Variants in PHC2 observed in about 807,000 individuals in gnomAD.
PHC2 encodes polyhomeotic-like protein 2.
Under a neutral mutation model 87.4 loss-of-function variants are expected in PHC2, and 29 were observed. The observed-to-expected ratio is 0.33, with a 90% confidence interval of 0.25 to 0.45. The LOEUF (loss-of-function observed/expected upper bound fraction) is 0.45, where lower values mean the gene tolerates loss of function less well. Ranked by LOEUF, PHC2 falls within the 20% of genes least tolerant of loss-of-function variation. The pLI is 1.00. For missense variants in PHC2, 857 were observed against 1,136.7 expected, an observed-to-expected ratio of 0.75 and a Z score of 3.54; for synonymous variants, 438 against 461.7, an observed-to-expected ratio of 0.95 and a Z score of 0.66.
At position 33,354,894 on chromosome 1, in the gene PHC2, G is replaced by A. The variant is rs754823498; in HGVS notation, c.1336C>T (p.Arg446Cys). 20 of 1,614,082 alleles carry A rather than the reference G, an allele frequency of 1.2e-5. No individual in the cohort carries two copies. Among genetic ancestry groups the A allele is most frequent in the South Asian group, 6.6e-5 (6 of 91,088 alleles). Reference protein sequence around the residue: ...HPEGVPHTPQRRFQHTSAVIL... With the variant: ...HPEGVPHTPQCRFQHTSAVIL... ...ACAGCTGAAGTGTGCTGGAACCTGC[G>A]TTGAGGGGTGTGGGGCACGCCCTCG... The change falls in exon 8 of 15, where the codon CGC (arginine) becomes TGC (cysteine). Residue 446 changes from arginine to cysteine, a missense_variant. Arg to Cys is a radical substitution (Grantham distance 180). Transcript: ENST00000683057.
chr1:33,389,819 A>G (rs1648960265), intron 1 of PHC2, among the ~76,000 whole-genome samples: 1 of 152,104 alleles, frequency 6.6e-6, no homozygotes, highest in African/African-American at 2.4e-5. Context: ...GTTAGCATAC[A>G]TCTTGGCTTT....
intron 9 of PHC2, among the ~76,000 whole-genome samples, chr1:33,344,899 T>A (rs1646818425): frequency 6.6e-6 from 1 of 152,132 alleles, no homozygotes; most frequent in South Asian, 2.1e-4. Context: ...GGTCCCAATT[T>A]TTTTTTTTAA....
chr1:33,425,967 C>G (rs1427751897), intron 1 of PHC2, among the ~76,000 whole-genome samples: 2 of 152,130 alleles, frequency 1.3e-5, no homozygotes, highest in African/African-American at 2.4e-5. Context: ...TGATTTCCCC[C>G]ACAAAGGAAT....
Position 33,349,797 on chromosome 1 carries a change from G to C in PHC2, c.1558+4604C>G. 1 of 977,338 alleles carries C rather than the reference G, an allele frequency of 1.0e-6. No homozygotes were observed. The highest frequency in any genetic ancestry group is 1.2e-4 in the East Asian group (1 of 8,606). 60.5% of individuals were successfully genotyped at this position (977,338 alleles called of 1,614,324 possible). ...CAAAGGGCGGCCGGGGCGCGAGGCCGGGACGGGGGCGCGAGGCCGGGGCGG... is the reference window on the plus strand; with the variant it reads ...CAAAGGGCGGCCGGGGCGCGAGGCCCGGACGGGGGCGCGAGGCCGGGGCGG... On this transcript the variant is annotated intron_variant, in intron 9 of 14. Transcript: ENST00000683057. This position sits in a 1 kb window ranked among gnomAD's most constrained non-coding sequence, Gnocchi z 4.2.
At chr1:33,385,119 T>A (rs1015949077) in intron 1 of PHC2, among the ~76,000 whole-genome samples, 2 of 152,060 alleles carry the variant, frequency 1.3e-5, no homozygotes, top group Non-Finnish European at 2.9e-5. Flanking sequence ...AGATGAGTGG[T>A]GTTGAAGTGA....
At position 33,324,969 on chromosome 1, in the gene PHC2, C is replaced by T. The variant is rs1646337521; in HGVS notation, c.2476G>A (p.Ala826Thr). The T allele has an allele frequency of 6.2e-7, 1 of 1,613,694 alleles. No individual in the cohort carries two copies. Among genetic ancestry groups the T allele is most frequent in the Non-Finnish European group, 8.5e-7 (1 of 1,179,818 alleles). Reference protein sequence around the residue: ...EFRAQEIDGQALLLLKEDHLM... With the variant: ...EFRAQEIDGQTLLLLKEDHLM... ...TGGTCCTCCTTGAGCAGCAGCAGGG[C>T]TTGCCCGTCGATTTCCTGGGCACGG... Residue 826 changes from alanine (A) to threonine (T), a missense_variant, in exon 15 of 15, where the codon GCC becomes ACC. Transcript: ENST00000683057.
chr1:33,394,105 G>C (rs529256212), intron 1 of PHC2, among the ~76,000 whole-genome samples: 1 of 152,270 alleles, frequency 6.6e-6, no homozygotes, highest in African/African-American at 2.4e-5. Flanking sequence ...TTTGAGTCAG[G>C]CACTTTTATC....
At chr1:33,404,023 T>A (rs914314174) in intron 1 of PHC2, among the ~76,000 whole-genome samples, 7 of 152,172 alleles carry the variant, frequency 4.6e-5, no homozygotes, top group Admixed American at 3.9e-4. Context: ...TCAATTACCA[T>A]CCATACATCA....
At chr1:33,411,778 C>T (rs1649992586) in intron 1 of PHC2, among the ~76,000 whole-genome samples, 1 of 152,106 alleles carries the variant, frequency 6.6e-6, no homozygotes, top group Non-Finnish European at 1.5e-5. Context: ...CCAGGATGGT[C>T]TCCATCTCCT....
Position 33,324,814 on chromosome 1 carries a change from T to C in PHC2, c.*51A>G. 1 of 1,561,518 alleles carries C rather than the reference T, an allele frequency of 6.4e-7. No homozygotes were observed. The highest frequency in any genetic ancestry group is 1.2e-5 in the South Asian group (1 of 83,420). On this transcript the variant is annotated 3_prime_UTR_variant, in exon 15 of 15. Transcript: ENST00000683057. ...CCCCTCAGGAATGTCTGTCTGGCTC[T>C]GCTCAGTCGGGAGGAGGCGCCCTGG...
At chr1:33,376,646 G>A (rs928923925) in intron 1 of PHC2, among the ~76,000 whole-genome samples, 6 of 152,174 alleles carry the variant, frequency 3.9e-5, no homozygotes, top group African/African-American at 1.2e-4. Flanking sequence ...AATCTACAGA[G>A]AAGGCCGGGT....
In PHC2 at chr1:33,356,249, TTATATATATATATATATATATATATATG is replaced by T. The variant is rs199501598; in HGVS notation, c.977-1024_977-997del. The stretch of plus-strand genomic sequence containing the variant: ...GGCTGACTCTTTGAGGTGAAAATTC[TTATATATATATATATATATATATATATG>T]TATATATATATATATATTTATTTAT... On this transcript the variant is annotated intron_variant, in intron 7 of 14. Transcript: ENST00000683057. Among the ~76,000 whole-genome samples, 121 of 101,544 alleles carry T rather than the reference TTATATATATATATATATATATATATATG, an allele frequency of 1.2e-3. 2 individuals are homozygous for T. In the East Asian group the frequency reaches 0.027, roughly 22 times the overall value. The allele number at this position is 101,544 out of a possible 152,430, so 66.6% of individuals were successfully genotyped here.
chr1:33,327,440 G>T (rs1459264884), intron 14 of PHC2, among the ~76,000 whole-genome samples: 1 of 152,138 alleles, frequency 6.6e-6, no homozygotes, highest in African/African-American at 2.4e-5. Context: ...GCATGAGGAA[G>T]GAACACAAAT....
chr1:33,425,400 G>A (rs1360063646), intron 1 of PHC2, among the ~76,000 whole-genome samples: 1 of 152,174 alleles, frequency 6.6e-6, no homozygotes, highest in Non-Finnish European at 1.5e-5. Context: ...GCCGATAAAG[G>A]TATGAGTTAT....
At chr1:33,427,782 C>T (rs1412632492) in intron 1 of PHC2, among the ~76,000 whole-genome samples, 1 of 152,206 alleles carries the variant, frequency 6.6e-6, no homozygotes, top group Non-Finnish European at 1.5e-5. Context: ...TGGCATCTGT[C>T]AGGTACACAA....
chr1:33,354,852 G>A lies in PHC2; in HGVS notation c.1378C>T (p.Pro460Ser), dbSNP rs1647039667. Residue 460 changes from proline (P) to serine (S), a missense_variant, in exon 8 of 15, where the codon CCT (proline) becomes TCT (serine). Physicochemically the swap from Pro to Ser is moderately conservative, Grantham distance 74 (BLOSUM62 -1). This residue lies in a region of PHC2 where 832 missense variants were observed against 1,081.8 expected (regional missense o/e 0.77). Coordinates refer to ENST00000683057, the MANE Select transcript of PHC2 (RefSeq NM_001385109.1). ...HTSAVILQLQ[P>S]ASPVPQQCVP... Reference sequence around the variant, plus strand: ...GGCTTACTCACCACTGGTGAAGCAGGCTGCAGTTGTAAGATGACAGCTGAA... The same window carrying A: ...GGCTTACTCACCACTGGTGAAGCAGACTGCAGTTGTAAGATGACAGCTGAA... The A allele has an allele frequency of 6.2e-7, 1 of 1,613,600 alleles. No homozygotes were observed. Among genetic ancestry groups the A allele is most frequent in the African/African-American group, 1.3e-5 (1 of 74,944 alleles).
intron 9 of PHC2, among the ~76,000 whole-genome samples, chr1:33,343,419 G>A (rs755659064): frequency 1.5e-5 from 2 of 133,556 alleles, no homozygotes; most frequent in African/African-American, 5.4e-5. Context: ...GCAGTGAGCC[G>A]AGATTGCACC....
At chr1:33,366,970 G>A (rs1647488364) in intron 7 of PHC2, 146 bp downstream of exon 7, 1 of 757,710 alleles carries the variant, frequency 1.3e-6, no homozygotes, top group Admixed American at 2.5e-5. Context: ...GGAGCTGATG[G>A]ACATTTTGAG....
intron 14 of PHC2, 27 bp downstream of exon 14, chr1:33,328,843 G>A (rs904679704): frequency 1.3e-6 from 2 of 1,583,916 alleles, no homozygotes; most frequent in African/African-American, 1.3e-5. Flanking sequence ...CTATTCCGGG[G>A]AGACATGGAA....
Sources: gnomAD v4.1 joint callset for allele counts (sites outside exome capture counted in the v4.1 genomes callset) on GRCh38, gnomAD v4.1.1 for gene constraint, gnomAD v4.1.1 regional missense constraint, Gnocchi (gnomAD v3.1) non-coding constraint, MANE v1.5 for transcripts, NCBI Gene and HGNC (gene_info 2026-07-23, HGNC 2026-07-21) for gene names.